Variants in C4BPA observed in about 807,000 individuals in gnomAD.
The protein encoded by C4BPA is C4b-binding protein alpha chain.
In C4BPA, 31 loss-of-function variants were observed where a neutral mutation model predicts 63.7. That is an observed-to-expected ratio of 0.49 (90% CI 0.37 to 0.66). The LOEUF (loss-of-function observed/expected upper bound fraction) is 0.66. C4BPA is among the 30% of genes least tolerant of loss of function. The pLI, the probability that C4BPA is intolerant of heterozygous loss-of-function variation, is 0.00. For synonymous variants in C4BPA, 259 were observed against 254.7 expected, an observed-to-expected ratio of 1.02 and a Z score of -0.16; for missense variants, 572 against 723.3, an observed-to-expected ratio of 0.79 and a Z score of 2.40.
At chr1:207,130,144 T>G (rs1685129840) in intron 7 of C4BPA, among the ~76,000 whole-genome samples, 1 of 152,238 alleles carries the variant, frequency 6.6e-6, no homozygotes, top group Non-Finnish European at 1.5e-5. Context: ...CTGATGCTCA[T>G]TGTTTTACTG....
chr1:207,137,589 A>ATGTTTTGTTT (rs76261944), intron 9 of C4BPA, among the ~76,000 whole-genome samples: 1,814 of 149,740 alleles, frequency 0.012, 37 homozygotes, highest in African/African-American at 0.04. Flanking sequence ...TTGTGGAGAT[A>ATGTTTTGTTT]TGTTTTGTTT....
chr1:207,138,140 GA>G (rs1291804105), intron 9 of C4BPA, among the ~76,000 whole-genome samples: 1 of 152,170 alleles, frequency 6.6e-6, no homozygotes, highest in Non-Finnish European at 1.5e-5. Context: ...ACCACGTTCA[GA>G]GTTTTCCCCA....
chr1:207,131,899 A>G (rs1685168570), intron 8 of C4BPA, among the ~76,000 whole-genome samples, 159 bp downstream of exon 8: 1 of 152,260 alleles, frequency 6.6e-6, no homozygotes, highest in Non-Finnish European at 1.5e-5. Flanking sequence ...GACCATAAAC[A>G]TGTTACAGTT....
At chr1:207,109,301 A>G (rs887576194) in intron 1 of C4BPA, among the ~76,000 whole-genome samples, 5 of 152,208 alleles carry the variant, frequency 3.3e-5, no homozygotes, top group African/African-American at 1.2e-4. Flanking sequence ...CATTATGATG[A>G]CAATGTTTTG....
At chr1:207,113,511 C>T (rs528839570) in intron 2 of C4BPA, among the ~76,000 whole-genome samples, 13 of 152,054 alleles carry the variant, frequency 8.5e-5, no homozygotes, top group Non-Finnish European at 1.6e-4. Context: ...AGTAAATCAG[C>T]CTGGTACTTA....
chr1:207,134,146 C>T, intron 8 of C4BPA, among the ~76,000 whole-genome samples: 1 of 152,300 alleles, frequency 6.6e-6, no homozygotes, highest in East Asian at 1.9e-4. Flanking sequence ...CCACACCTGG[C>T]TCTTCATATA....
chr1:207,129,658 A>T lies in C4BPA; in HGVS notation c.890-1888A>T, dbSNP rs377564334. 4.4e-4 allele frequency among the ~76,000 whole-genome samples: 67 copies of T among 152,294 alleles called. 1 individual carries two copies. The highest frequency in any genetic ancestry group is 1.5e-3 in the African/African-American group (63 of 41,578). ...TTATCAGAAAGAATGGAGGCTAGAA[A>T]GCAGCTAGATGACACATTCAAAGTG... On this transcript the variant is annotated intron_variant, in intron 7 of 11. Coordinates refer to ENST00000367070, the MANE Select transcript of C4BPA (RefSeq NM_000715.4).
Position 207,126,785 on chromosome 1 carries a change from A to C in C4BPA, c.779A>C (p.Lys260Thr). 1.9e-6 allele frequency: 3 copies of C among 1,612,634 alleles called. No individual in the cohort carries two copies. In the South Asian group the frequency reaches 3.3e-5, roughly 18 times the overall value. The change falls in exon 7 of 12, where the codon AAA becomes ACA. Residue 260 changes from lysine to threonine, a missense_variant. Around this residue, in one of 2 missense-constraint regions of C4BPA, gnomAD observed 465 missense variants for 629.4 expected, o/e 0.74. Transcript: ENST00000367070. ...GGATTTGGACCCATCTATAATTACAAAGACACTATTGTGTTTAAGTGCCAA... is the reference window on the plus strand; with the variant it reads ...GGATTTGGACCCATCTATAATTACACAGACACTATTGTGTTTAAGTGCCAA... The part of the protein sequence containing the change: ...VSGFGPIYNY[K>T]DTIVFKCQKG...
intron 11 of C4BPA, among the ~76,000 whole-genome samples, 189 bp from the exon 12 acceptor site, chr1:207,144,355 C>T (rs982521555): frequency 6.6e-6 from 1 of 152,182 alleles, no homozygotes. Context: ...ACAGCTGTCT[C>T]AGAACAGATC....
chr1:207,112,350 G>GTTTTTTTTTTTTTTTTTTT (rs61668698), intron 1 of C4BPA, among the ~76,000 whole-genome samples: 1 of 114,162 alleles, frequency 8.8e-6, no homozygotes, highest in Non-Finnish European at 1.9e-5. Flanking sequence ...CTGCCTTTTT[G>GTTTTTTTTTTTTTTTTTTT]TTTTTTTTTT....
intron 6 of C4BPA, among the ~76,000 whole-genome samples, chr1:207,124,614 G>A (rs768084495): frequency 5.3e-5 from 8 of 152,136 alleles, no homozygotes; most frequent in Non-Finnish European, 1.2e-4. Flanking sequence ...CATCTCACTG[G>A]TTTGGTGAAG....
At chr1:207,111,171 T>A (rs977064450) in intron 1 of C4BPA, among the ~76,000 whole-genome samples, 12 of 152,140 alleles carry the variant, frequency 7.9e-5, no homozygotes, top group African/African-American at 2.9e-4. Context: ...TTCACAAGAT[T>A]GTGAGGGCAG....
In C4BPA at chr1:207,124,263, C is replaced by T. The variant is rs903492938; in HGVS notation, c.603C>T (p.Tyr201=). The T allele has an allele frequency of 3.1e-6, 5 of 1,613,750 alleles. No individual in the cohort carries two copies. Among genetic ancestry groups the T allele is most frequent in the Non-Finnish European group, 4.2e-6 (5 of 1,179,724 alleles). ...ACGCATACGGCTTTTCTGTCACCTACAGCTGTGACCCCCGCTTCTCACTCT... is the reference window on the plus strand; with the variant it reads ...ACGCATACGGCTTTTCTGTCACCTATAGCTGTGACCCCCGCTTCTCACTCT... The part of the protein sequence containing the change: ...NFYAYGFSVT[Y]SCDPRFSLLG... Residue 201 remains tyrosine (Y), a synonymous_variant, in exon 6 of 12, where the codon TAC becomes TAT. Coordinates refer to ENST00000367070, the MANE Select transcript of C4BPA (RefSeq NM_000715.4).
chr1:207,118,128 C>CATCT (rs372022307), intron 4 of C4BPA, among the ~76,000 whole-genome samples: 1 of 86,960 alleles, frequency 1.1e-5, no homozygotes, highest in Non-Finnish European at 2.6e-5. Flanking sequence ...ATCTATCTAT[C>CATCT]ATCTATCTGT....
intron 11 of C4BPA, 134 bp downstream of exon 11, chr1:207,144,127 G>C: frequency 1.6e-6 from 1 of 644,160 alleles, no homozygotes; most frequent in Non-Finnish European, 2.5e-6. Flanking sequence ...CCCACTCAAA[G>C]AAACTCTTTT....
intron 1 of C4BPA, among the ~76,000 whole-genome samples, chr1:207,108,691 A>C (rs1684606142): frequency 6.6e-6 from 1 of 152,166 alleles, no homozygotes; most frequent in South Asian, 2.1e-4. Context: ...AACCAGAGAC[A>C]ATTAGGCCCA....
chr1:207,127,867 A>G (rs2102344843), intron 7 of C4BPA, among the ~76,000 whole-genome samples: 1 of 152,310 alleles, frequency 6.6e-6, no homozygotes, highest in South Asian at 2.1e-4. Flanking sequence ...CACAAGTGGC[A>G]ATTCCCATCT....
rs756177903 is a variant in C4BPA, at chr1:207,141,125, A to T, written c.1293A>T (p.Lys431Asn). 4 of 1,610,778 alleles carry T rather than the reference A, an allele frequency of 2.5e-6. No individual in the cohort carries two copies. In the Admixed American group the frequency reaches 6.8e-5, roughly 27 times the overall value. The change falls in exon 10 of 12, where the codon AAA becomes AAT. Residue 431 changes from lysine to asparagine, a missense_variant. Physicochemically the swap from Lys to Asn is moderately conservative, Grantham distance 94. Coordinates refer to ENST00000367070, the MANE Select transcript of C4BPA (RefSeq NM_000715.4). ...SCGDICNFPP[K>N]IAHGHYKQSS... ...CTCAAGTTTGCAATTTTCCTCCTAA[A>T]ATTGCCCATGGGCATTATAAACAAT...
At chr1:207,106,642 C>T (rs928323669) in intron 1 of C4BPA, among the ~76,000 whole-genome samples, 5 of 151,096 alleles carry the variant, frequency 3.3e-5, no homozygotes, top group South Asian at 4.2e-4. Flanking sequence ...AGGGTTTCAC[C>T]GTGTTAGCCA....
Sources: allele counts gnomAD v4.1 joint callset (sites outside exome capture counted in the v4.1 genomes callset), GRCh38; gene constraint gnomAD v4.1.1; regional missense constraint gnomAD v4.1.1; transcripts MANE v1.5; gene names NCBI Gene and HGNC (gene_info 2026-07-23, HGNC 2026-07-21).